SHISA9: variants seen among roughly 807,000 people sequenced by gnomAD.
SHISA9 encodes the protein protein shisa-9.
A neutral mutation model predicts 38.0 loss-of-function variants in SHISA9; 13 were observed. That is an observed-to-expected ratio of 0.34 (90% CI 0.22 to 0.54). SHISA9 has a LOEUF of 0.54. Among genes scored for constraint, SHISA9 ranks in the 20% least tolerant of loss-of-function variants. The pLI, the probability that SHISA9 is intolerant of heterozygous loss-of-function variation, is 0.91. For missense variants in SHISA9, 538 were observed against 575.8 expected (o/e 0.93, Z 0.67); for synonymous variants, 275 against 242.0 (o/e 1.14, Z -1.27).
chr16:13,235,163 C>T lies in SHISA9; in HGVS notation c.1029C>T (p.Ala343=). The T allele has an allele frequency of 6.4e-7, 1 of 1,551,736 alleles. No homozygotes were observed. Among genetic ancestry groups the T allele is most frequent in the South Asian group, 1.2e-5 (1 of 84,056 alleles). ...CCTTCAGCCCTGAGCACGGTCCTGC[C>T]AAGCAGAATGGACAGAAGTCCCGCA... ...PRAFSPEHGP[A]KQNGQKSRTN... Residue 343 remains alanine, a synonymous_variant, in exon 5 of 5, where the codon GCC becomes GCT. Transcript: ENST00000558583.
At chr16:13,026,027 A>T (rs1261610345) in intron 2 of SHISA9, among the ~76,000 whole-genome samples, 1 of 151,980 alleles carries the variant, frequency 6.6e-6, no homozygotes, top group Non-Finnish European at 1.5e-5. Flanking sequence ...CTGGTCTCGA[A>T]CTCCCGACCT....
rs879503755 is a variant in SHISA9 at position 13,171,323 on chromosome 16, G to C, written c.692-32071G>C. On this transcript the variant is annotated intron_variant, in intron 2 of 4. Coordinates refer to ENST00000558583, the MANE Select transcript of SHISA9 (RefSeq NM_001145204.3). The stretch of plus-strand genomic sequence containing the variant: ...TTTCAACATGAGATTTGGGGCAGGG[G>C]AGAAAACATCCAAACCATATCAGGC... 2.4e-4 allele frequency among the ~76,000 whole-genome samples: 37 copies of C among 152,124 alleles called. 1 individual carries two copies. Among genetic ancestry groups the C allele is most frequent in the Non-Finnish European group, 4.1e-4 (28 of 68,028 alleles).
the SHISA9 span, among the ~76,000 whole-genome samples, chr16:13,367,333 A>G: frequency 6.7e-6 from 1 of 148,568 alleles, no homozygotes; most frequent in East Asian, 2.0e-4. Flanking sequence ...GATACTATAA[A>G]CAGAGGAGGG....
the SHISA9 span, among the ~76,000 whole-genome samples, chr16:13,341,190 A>T: frequency 6.6e-6 from 1 of 152,222 alleles, no homozygotes; most frequent in East Asian, 1.9e-4. Context: ...AAGAAAATGA[A>T]GAAGAATCAG....
chr16:12,925,540 C>T (rs545521247), intron 2 of SHISA9, among the ~76,000 whole-genome samples: 1 of 152,028 alleles, frequency 6.6e-6, no homozygotes, highest in South Asian at 2.1e-4. Context: ...CTCCTGGGCT[C>T]TTTTCAAAAA....
At chr16:13,369,668 G>A in the SHISA9 span, among the ~76,000 whole-genome samples, 1 of 152,074 alleles carries the variant, frequency 6.6e-6, no homozygotes, top group African/African-American at 2.4e-5. Context: ...ATCATAATGA[G>A]CAGAACCGCA....
At chr16:13,019,972 C>G (rs895090202) in intron 2 of SHISA9, among the ~76,000 whole-genome samples, 1 of 85,282 alleles carries the variant, frequency 1.2e-5, no homozygotes, top group Non-Finnish European at 2.2e-5. Context: ...TCCTTCTTTC[C>G]TTCCTTCCTT....
chr16:13,242,439 A>G (rs1017768773), downstream of SHISA9, among the ~76,000 whole-genome samples: 10 of 152,196 alleles, frequency 6.6e-5, no homozygotes, highest in Non-Finnish European at 1.2e-4. Context: ...GCCACATTAC[A>G]TCATCATCCA....
the SHISA9 span, among the ~76,000 whole-genome samples, chr16:13,453,840 A>G: frequency 6.6e-6 from 1 of 152,298 alleles, no homozygotes; most frequent in African/African-American, 2.4e-5. Context: ...CTCACTCCCA[A>G]TCAAGAGTAA....
At chr16:12,984,506 G>A (rs2072281719) in intron 2 of SHISA9, among the ~76,000 whole-genome samples, 4 of 152,172 alleles carry the variant, frequency 2.6e-5, no homozygotes. Flanking sequence ...TGGGAAATGG[G>A]ACACTTTCCT....
At chr16:13,001,790 C>G (rs953736866) in intron 2 of SHISA9, among the ~76,000 whole-genome samples, 1 of 152,002 alleles carries the variant, frequency 6.6e-6, no homozygotes, top group African/African-American at 2.4e-5. Flanking sequence ...TGCTGACATA[C>G]TTAGGGAAAA....
At chr16:12,970,550 G>A (rs552016655) in intron 2 of SHISA9, among the ~76,000 whole-genome samples, 1 of 96,344 alleles carries the variant, frequency 1.0e-5, no homozygotes, top group Admixed American at 1.6e-4. Context: ...TCACTCTGTT[G>A]CCCAGGCTGG....
the SHISA9 span, among the ~76,000 whole-genome samples, chr16:13,315,211 T>G: frequency 6.6e-6 from 1 of 152,248 alleles, no homozygotes; most frequent in Admixed American, 6.5e-5. Flanking sequence ...CAATGCTGAC[T>G]GGTACACAGT....
At chr16:13,481,313 G>A in the SHISA9 span, among the ~76,000 whole-genome samples, 1 of 66,274 alleles carries the variant, frequency 1.5e-5, no homozygotes, top group African/African-American at 3.6e-5. Context: ...ATTTCTATAT[G>A]TTGGGTACAT....
chr16:12,946,502 G>A (rs1164237117), intron 2 of SHISA9, among the ~76,000 whole-genome samples: 1 of 152,158 alleles, frequency 6.6e-6, no homozygotes, highest in Non-Finnish European at 1.5e-5. Flanking sequence ...AGGAAGGTAG[G>A]GCAGGGGAAC....
chr16:12,966,030 G>A (rs975631472), intron 2 of SHISA9, among the ~76,000 whole-genome samples: 3 of 152,168 alleles, frequency 2.0e-5, no homozygotes, highest in African/African-American at 4.8e-5. Flanking sequence ...TGTTGTAGAA[G>A]GCTTCTTGTC....
intron 2 of SHISA9, among the ~76,000 whole-genome samples, chr16:12,939,191 C>T (rs919146637): frequency 1.3e-5 from 2 of 152,104 alleles, no homozygotes; most frequent in Non-Finnish European, 2.9e-5. Context: ...TCAAGCGATT[C>T]TCCTGCCTTA....
the SHISA9 span, among the ~76,000 whole-genome samples, chr16:13,411,284 G>A: frequency 6.6e-6 from 1 of 152,300 alleles, no homozygotes; most frequent in Admixed American, 6.5e-5. Flanking sequence ...ATGATTAGGA[G>A]CCCAAATTTT....
At chr16:13,387,646 C>T in the SHISA9 span, among the ~76,000 whole-genome samples, 10 of 152,154 alleles carry the variant, frequency 6.6e-5, 1 homozygote, top group South Asian at 4.2e-4. Flanking sequence ...CGTGCCACCA[C>T]GCCTGGCTAA....
Sources: allele counts gnomAD v4.1 joint callset (sites outside exome capture counted in the v4.1 genomes callset), GRCh38; gene constraint gnomAD v4.1.1; transcripts MANE v1.5; gene names NCBI Gene and HGNC (gene_info 2026-07-23, HGNC 2026-07-21).